Variants in FBXL4 observed in about 807,000 individuals in gnomAD.
FBXL4 encodes the protein F-box and leucine rich repeat protein 4.
A neutral mutation model predicts 58.9 loss-of-function variants in FBXL4; 40 were observed. The observed-to-expected ratio is 0.68, with a 90% CI of 0.53 to 0.88. The LOEUF is 0.88. FBXL4 is among the 40% of genes least tolerant of loss of function. FBXL4 has a pLI of 0.00. For synonymous variants in FBXL4, 263 were observed against 265.5 expected (o/e 0.99, Z 0.09); for missense variants, 676 against 734.4 (o/e 0.92, Z 0.92).
In FBXL4 at chr6:98,947,779, G is replaced by C. The variant is rs1317120979; in HGVS notation, c.-309+27C>G. ...AAAGGAAGAAGACAGAGACCCACGGGAGGGAGAAGTAAAGGAAGGGCCGTA... is the reference window on the plus strand; with the variant it reads ...AAAGGAAGAAGACAGAGACCCACGGCAGGGAGAAGTAAAGGAAGGGCCGTA... On this transcript the variant is annotated intron_variant, in intron 1 of 9. Transcript: ENST00000369244. 3.3e-5 allele frequency: 5 copies of C among 152,350 alleles called. No individual in the cohort carries two copies. In the East Asian group the frequency reaches 9.7e-4, roughly 30 times the overall value. The allele number at this position is 152,350 out of a possible 1,614,324, so 9.4% of individuals were successfully genotyped here. A position where few individuals can be genotyped will look rare whatever the true frequency, so the allele number is the denominator to read the frequency against.
chr6:98,889,136 A>T (rs924059003), intron 7 of FBXL4, among the ~76,000 whole-genome samples: 2 of 152,252 alleles, frequency 1.3e-5, no homozygotes, highest in African/African-American at 4.8e-5. Context: ...GCAAGAGACA[A>T]GTTCAACGTG....
Position 98,878,538 on chromosome 6 carries a change from C to T in FBXL4, c.1389+2015G>A, listed in dbSNP as rs138045474. Among the ~76,000 whole-genome samples, 309 of 152,084 alleles carry T rather than the reference C, an allele frequency of 2.0e-3. 1 individual carries two copies. Among genetic ancestry groups the T allele is most frequent in the African/African-American group, 5.3e-3 (221 of 41,472 alleles). Reference sequence around the variant, plus strand: ...TTTCATTAGGAATCTCCACTCCACCCCCAAATACACAGCCTTTAAAATTGA... The same window carrying T: ...TTTCATTAGGAATCTCCACTCCACCTCCAAATACACAGCCTTTAAAATTGA... On this transcript the variant is annotated intron_variant, in intron 8 of 9. Coordinates refer to ENST00000369244, the MANE Select transcript of FBXL4 (RefSeq NM_001278716.2).
intron 5 of FBXL4, among the ~76,000 whole-genome samples, chr6:98,912,655 C>G (rs1206488251): frequency 1.3e-5 from 2 of 151,910 alleles, no homozygotes; most frequent in Non-Finnish European, 2.9e-5. Context: ...CAGGCCTGCC[C>G]TAAAAGAGCT....
At chr6:98,888,247 T>A (rs12110701) in intron 7 of FBXL4, among the ~76,000 whole-genome samples, 24,215 of 152,176 alleles carry the variant, frequency 0.16, 2,322 homozygotes, top group East Asian at 0.47. Flanking sequence ...ACACAGACAT[T>A]CCCACTCATT....
At chr6:98,899,022 G>A in intron 7 of FBXL4, 1 of 985,022 alleles carries the variant, frequency 1.0e-6, no homozygotes, top group South Asian at 4.7e-5. Flanking sequence ...TTTTTTCCTG[G>A]GGACATAAAT....
Position 98,875,414 on chromosome 6 carries a change from C to A in FBXL4, c.1702+1G>T. Reference sequence around the variant, plus strand: ...AACAAATTTATATATTGTAACCTTACCTAATATGTCCAGCTGCTGTAACCT... The same window carrying A: ...AACAAATTTATATATTGTAACCTTAACTAATATGTCCAGCTGCTGTAACCT... On this transcript the variant is annotated splice_donor_variant, in intron 9 of 9. Transcript: ENST00000369244. LOFTEE classifies it high-confidence loss of function. The A allele has an allele frequency of 6.2e-7, 1 of 1,613,228 alleles. No individual in the cohort carries two copies. The highest frequency in any genetic ancestry group is 1.1e-5 in the South Asian group (1 of 91,062).
intron 7 of FBXL4, among the ~76,000 whole-genome samples, chr6:98,894,736 ACT>A (rs1417440266): frequency 1.3e-5 from 2 of 152,152 alleles, no homozygotes; most frequent in Admixed American, 6.5e-5. Flanking sequence ...TATGCCACTG[ACT>A]CTGCACATAG....
In FBXL4 at chr6:98,925,840, C is replaced by T. The variant is rs1214013220; in HGVS notation, c.512+637G>A. Among the ~76,000 whole-genome samples, 4 of 152,084 alleles carry T rather than the reference C, an allele frequency of 2.6e-5. No homozygotes were observed. The East Asian group carries it at 5.8e-4, about 22-fold the overall frequency. On this transcript the variant is annotated intron_variant, in intron 4 of 9. Transcript: ENST00000369244. Reference sequence around the variant, plus strand: ...AATGAGCTGATAAAAGTGGTTTCTTCGAGGGAGGAATGGGTCCTAGGCACA... The same window carrying T: ...AATGAGCTGATAAAAGTGGTTTCTTTGAGGGAGGAATGGGTCCTAGGCACA...
intron 2 of FBXL4, among the ~76,000 whole-genome samples, chr6:98,931,761 G>A (rs1317538227): frequency 6.6e-6 from 1 of 152,156 alleles, no homozygotes; most frequent in Non-Finnish European, 1.5e-5. Flanking sequence ...TGTTTTAGGG[G>A]TGGGGAAGAA....
chr6:98,946,960 A>G (rs1256786213), intron 1 of FBXL4, among the ~76,000 whole-genome samples: 1 of 152,182 alleles, frequency 6.6e-6, no homozygotes, highest in Non-Finnish European at 1.5e-5. Flanking sequence ...TGAACTTAAG[A>G]AACCAAGGAG....
intron 8 of FBXL4, among the ~76,000 whole-genome samples, chr6:98,876,263 C>T (rs952557897): frequency 3.3e-5 from 5 of 152,206 alleles, no homozygotes; most frequent in Middle Eastern, 3.4e-3. Flanking sequence ...ATTTAGATTA[C>T]AATATGTTAA....
At chr6:98,941,151 G>A (rs1244926476) in intron 1 of FBXL4, among the ~76,000 whole-genome samples, 2 of 151,824 alleles carry the variant, frequency 1.3e-5, no homozygotes, top group South Asian at 2.1e-4. Flanking sequence ...CATAATTGTT[G>A]CAACTTGGAA....
chr6:98,912,862 AT>A (rs1436473599), intron 5 of FBXL4, among the ~76,000 whole-genome samples: 2 of 152,146 alleles, frequency 1.3e-5, no homozygotes, highest in African/African-American at 4.8e-5. Flanking sequence ...AAATGCTCCA[AT>A]TAAAAGACAC....
intron 6 of FBXL4, among the ~76,000 whole-genome samples, chr6:98,901,361 G>C (rs1771604868): frequency 6.6e-6 from 1 of 152,086 alleles, no homozygotes; most frequent in South Asian, 2.1e-4. Flanking sequence ...AGTGAGACGG[G>C]GGATGCAGGA....
chr6:98,939,464 G>A (rs1773349069), intron 1 of FBXL4, among the ~76,000 whole-genome samples: 1 of 152,096 alleles, frequency 6.6e-6, no homozygotes. Context: ...TAGCAATCCT[G>A]CACCCACATA....
intron 7 of FBXL4, chr6:98,897,051 G>A: frequency 1.0e-6 from 1 of 984,280 alleles, no homozygotes; most frequent in Middle Eastern, 5.2e-4. Context: ...TGCCTAGCAA[G>A]TTAATATTTT....
intron 7 of FBXL4, among the ~76,000 whole-genome samples, chr6:98,886,480 T>A (rs1196847119): frequency 1.3e-5 from 2 of 152,238 alleles, no homozygotes; most frequent in African/African-American, 4.8e-5. Flanking sequence ...ATTTGCTAGA[T>A]TTCCAATCAG....
intron 1 of FBXL4, among the ~76,000 whole-genome samples, chr6:98,941,747 G>A (rs759759872): frequency 6.6e-6 from 1 of 152,136 alleles, no homozygotes; most frequent in African/African-American, 2.4e-5. Context: ...GGTCAACATA[G>A]ATCTGCATTT....
intron 7 of FBXL4, among the ~76,000 whole-genome samples, chr6:98,890,873 C>T (rs1188344450): frequency 1.3e-5 from 2 of 151,884 alleles, no homozygotes; most frequent in South Asian, 2.1e-4. Context: ...GAGCCAAGAT[C>T]GCTCCACTGC....
Sources: gnomAD v4.1 joint callset for allele counts (sites outside exome capture counted in the v4.1 genomes callset) on GRCh38, gnomAD v4.1.1 for gene constraint, MANE v1.5 for transcripts, NCBI Gene and HGNC (gene_info 2026-07-23, HGNC 2026-07-21) for gene names.